Variants in SNAP47 observed in about 807,000 individuals in gnomAD.
SNAP47 encodes the protein synaptosomal-associated protein 47.
Under a neutral mutation model 31.4 loss-of-function variants are expected in SNAP47, and 20 were observed. The observed-to-expected ratio is 0.64, with a 90% CI of 0.45 to 0.93. The LOEUF is 0.93. Among genes scored for constraint, SNAP47 ranks in the 40% least tolerant of loss-of-function variants. The pLI is 0.00. For synonymous variants in SNAP47, 194 were observed against 213.4 expected (o/e 0.91, Z 0.79); for missense variants, 492 against 528.5 (o/e 0.93, Z 0.68).
At chr1:227,745,327 GT>G (rs1181461944) in intron 1 of SNAP47, among the ~76,000 whole-genome samples, 1 of 152,050 alleles carries the variant, frequency 6.6e-6, no homozygotes, top group Non-Finnish European at 1.5e-5. Flanking sequence ...CTCTCCCCAG[GT>G]GCAGCCATCT....
At chr1:227,749,613 C>T (rs1011731312) in intron 2 of SNAP47, among the ~76,000 whole-genome samples, 3 of 152,124 alleles carry the variant, frequency 2.0e-5, no homozygotes, top group Admixed American at 6.5e-5. Flanking sequence ...CCAGTCTGCC[C>T]GCTTTTCAGT....
At chr1:227,777,403 G>A (rs1234983824) in intron 4 of SNAP47, among the ~76,000 whole-genome samples, 1 of 152,180 alleles carries the variant, frequency 6.6e-6, no homozygotes, top group East Asian at 1.9e-4. Flanking sequence ...GGGAGTGTGG[G>A]GCTGTTGGGG....
upstream of SNAP47, chr1:227,733,630 G>C (rs1295885025): frequency 6.2e-7 from 1 of 1,604,408 alleles, no homozygotes; most frequent in African/African-American, 1.3e-5. Context: ...TCCTCCCACA[G>C]ACATTGACAG....
At chr1:227,736,094 C>T (rs1661131638) in intron 1 of SNAP47, 1 of 150,262 alleles carries the variant, frequency 6.7e-6, no homozygotes, top group South Asian at 2.1e-4. Flanking sequence ...ATCAGTGGCA[C>T]CTGGAGGGGA....
At chr1:227,764,631 C>T (rs1296813985) in intron 3 of SNAP47, among the ~76,000 whole-genome samples, 1 of 152,062 alleles carries the variant, frequency 6.6e-6, no homozygotes, top group Non-Finnish European at 1.5e-5. Context: ...TTAAGCCAGG[C>T]GCGGTGGCTC....
intron 1 of SNAP47, 100 bp from the exon 2 acceptor site, chr1:227,747,592 G>A: frequency 8.0e-7 from 1 of 1,244,620 alleles, no homozygotes; most frequent in Non-Finnish European, 1.1e-6. Context: ...GCTGCAGCCT[G>A]TGTGAGCCCA....
chr1:227,778,266 T>C (rs1664272809), intron 4 of SNAP47, among the ~76,000 whole-genome samples: 1 of 152,196 alleles, frequency 6.6e-6, no homozygotes, highest in Admixed American at 6.5e-5. Context: ...CAAATAGTGG[T>C]GTCTCCTGAT....
At chr1:227,753,223 AC>A in intron 2 of SNAP47, among the ~76,000 whole-genome samples, 1 of 152,292 alleles carries the variant, frequency 6.6e-6, no homozygotes, top group East Asian at 1.9e-4. Flanking sequence ...TGCCGGTGTC[AC>A]TTTGAGATAC....
chr1:227,771,708 G>A (rs1012258726), intron 4 of SNAP47, among the ~76,000 whole-genome samples: 1 of 122,098 alleles, frequency 8.2e-6, no homozygotes, highest in Non-Finnish European at 1.6e-5. Flanking sequence ...CCACTCCTGT[G>A]CCCATGCCCC....
intron 2 of SNAP47, among the ~76,000 whole-genome samples, chr1:227,748,630 G>C (rs1210766312): frequency 6.6e-6 from 1 of 152,228 alleles, no homozygotes; most frequent in Non-Finnish European, 1.5e-5. Context: ...TGAGGTCACA[G>C]AGGATGGAGT....
chr1:227,752,110 G>T (rs1662412897), intron 2 of SNAP47, among the ~76,000 whole-genome samples: 2 of 152,070 alleles, frequency 1.3e-5, no homozygotes, highest in Non-Finnish European at 2.9e-5. Flanking sequence ...CTTTATTGAG[G>T]TATTGCTGAG....
chr1:227,745,254 A>G (rs1348441564), intron 1 of SNAP47, among the ~76,000 whole-genome samples: 1 of 152,222 alleles, frequency 6.6e-6, no homozygotes, highest in Non-Finnish European at 1.5e-5. Context: ...GCAAAATCAC[A>G]AGTGCACCCA....
intron 1 of SNAP47, among the ~76,000 whole-genome samples, chr1:227,744,690 G>C (rs929158477): frequency 1.2e-4 from 18 of 152,094 alleles, no homozygotes; most frequent in African/African-American, 4.3e-4. Context: ...GATCCTGGGT[G>C]TGGCAACGCC....
intron 4 of SNAP47, among the ~76,000 whole-genome samples, chr1:227,775,227 C>CG (rs1664083859): frequency 6.6e-6 from 1 of 152,220 alleles, no homozygotes; most frequent in African/African-American, 2.4e-5. Context: ...AGCTTGGCTG[C>CG]GGTGAGAGCC....
chr1:227,766,255 G>A lies in SNAP47; in HGVS notation c.989-704G>A, dbSNP rs957536437. Among the ~76,000 whole-genome samples the A allele has an allele frequency of 1.0e-3, 157 of 152,366 alleles. 1 individual carries two copies. The highest frequency in any genetic ancestry group is 3.5e-3 in the African/African-American group (147 of 41,576). Reference sequence around the variant, plus strand: ...CTCGTAAATGACGGCTGCACCAGACGTAGGGGAGCTGCGTGTGCTGCAGAA... The same window carrying A: ...CTCGTAAATGACGGCTGCACCAGACATAGGGGAGCTGCGTGTGCTGCAGAA... On this transcript the variant is annotated intron_variant, in intron 3 of 4. Transcript: ENST00000617596.
chr1:227,776,596 C>T lies in SNAP47; in HGVS notation c.1114-3931C>T, dbSNP rs151229509. 478 of 985,462 alleles carry T rather than the reference C, an allele frequency of 4.9e-4. 3 individuals carry two copies. In the African/African-American group the frequency reaches 7.9e-3, roughly 16 times the overall value. 61.0% of individuals were successfully genotyped at this position (985,462 alleles called of 1,614,324 possible). On this transcript the variant is annotated intron_variant, in intron 4 of 4. Transcript: ENST00000617596. The stretch of plus-strand genomic sequence containing the variant: ...AGGAACAACTGTTTCTAGGGTTTGG[C>T]CAGACTTCACATTCTCCATTCTTTC...
At position 227,750,142 on chromosome 1, in the gene SNAP47, G is replaced by A. The variant is rs558297379; in HGVS notation, c.497+1909G>A. On this transcript the variant is annotated intron_variant, in intron 2 of 4. Transcript: ENST00000617596. The stretch of plus-strand genomic sequence containing the variant: ...GACTAAGAGGAGATCCTTTCAGTCA[G>A]AGCTTTGCTGGCACAAGGCCGGAGC... Among the ~76,000 whole-genome samples, 11 of 152,368 alleles carry A rather than the reference G, an allele frequency of 7.2e-5. No homozygotes were observed. In the South Asian group the frequency reaches 2.3e-3, roughly 32 times the overall value.
intron 3 of SNAP47, 36 bp downstream of exon 3, chr1:227,759,521 A>G (rs762405284): frequency 1.3e-6 from 2 of 1,594,122 alleles, no homozygotes; most frequent in South Asian, 2.3e-5. Flanking sequence ...GCGTGCACAG[A>G]CTTCTAAAAT....
chr1:227,749,584 A>C (rs1052760718), intron 2 of SNAP47, among the ~76,000 whole-genome samples: 1 of 152,094 alleles, frequency 6.6e-6, no homozygotes, highest in African/African-American at 2.4e-5. Context: ...CTGGCATACT[A>C]TCCACCTTCC....
Sources: allele counts gnomAD v4.1 joint callset (sites outside exome capture counted in the v4.1 genomes callset), GRCh38; gene constraint gnomAD v4.1.1; transcripts MANE v1.5; gene names NCBI Gene and HGNC (gene_info 2026-07-23, HGNC 2026-07-21).